Variants in SLC25A34 observed in about 807,000 individuals in gnomAD.
SLC25A34 encodes the protein solute carrier family 25 member 34, also known as solute carrier family 25, member 34.
Under a neutral mutation model 28.1 loss-of-function variants are expected in SLC25A34, and 26 were observed. That is an observed-to-expected ratio of 0.93 (90% CI 0.68 to 1.28). The LOEUF is 1.28. SLC25A34 is among the 50% of genes most tolerant of loss of function. The pLI, the probability that SLC25A34 is intolerant of heterozygous loss-of-function variation, is 0.00. For missense variants in SLC25A34, 384 were observed against 409.8 expected, an observed-to-expected ratio of 0.94 and a Z score of 0.54; for synonymous variants, 182 against 182.2, an observed-to-expected ratio of 1.00 and a Z score of 0.01.
intron 1 of SLC25A34, 30 bp from the exon 2 acceptor site, chr1:15,737,899 C>A (rs1464189097): frequency 6.2e-7 from 1 of 1,613,738 alleles, no homozygotes; most frequent in Non-Finnish European, 8.5e-7. Flanking sequence ...AGGCTCCATC[C>A]CCACACCCGT....
Position 15,739,577 on chromosome 1 carries a change from C to T in SLC25A34, c.*171C>T, listed in dbSNP as rs989744635. On this transcript the variant is annotated 3_prime_UTR_variant, in exon 5 of 5. Transcript: ENST00000294454. ...TCCAGCCCCTTGGCCCACCCAGGTC[C>T]AGAGCATCCACTTCAAGTTACCACC... 2.6e-5 allele frequency: 16 copies of T among 623,176 alleles called. No homozygotes were observed. Among genetic ancestry groups the T allele is most frequent in the Admixed American group, 3.8e-5 (1 of 26,550 alleles). 38.6% of individuals were successfully genotyped at this position (623,176 alleles called of 1,614,324 possible). A position where few individuals can be genotyped will look rare whatever the true frequency, so the allele number is the denominator to read the frequency against.
Position 15,740,144 on chromosome 1 carries a change from A to G in SLC25A34, c.*738A>G, listed in dbSNP as rs1170253883. ...CTGGTTTCTTCTGAGGCCTCTGTCC[A>G]TGGCTTGCAGATGCTGCTTTCTCTC... On this transcript the variant is annotated 3_prime_UTR_variant, in exon 5 of 5. Coordinates refer to ENST00000294454, the MANE Select transcript of SLC25A34 (RefSeq NM_207348.3). 2.6e-5 allele frequency: 4 copies of G among 152,198 alleles called. No homozygotes were observed. The highest frequency in any genetic ancestry group is 9.7e-5 in the African/African-American group (4 of 41,416). The allele number at this position is 152,198 out of a possible 1,614,324, so 9.4% of individuals were successfully genotyped here. A position where few individuals can be genotyped will look rare whatever the true frequency, so the allele number is the denominator to read the frequency against.
intron 4 of SLC25A34, 102 bp from the exon 5 acceptor site, chr1:15,739,122 C>A: frequency 7.0e-7 from 1 of 1,424,474 alleles, no homozygotes; most frequent in Non-Finnish European, 9.6e-7. Context: ...AAGGTGCTGT[C>A]CATAGGGTGT....
In SLC25A34 at chr1:15,736,852, C is replaced by T; in HGVS notation, c.367C>T (p.Pro123Ser). 1 of 1,561,768 alleles carries T rather than the reference C, an allele frequency of 6.4e-7. No individual in the cohort carries two copies. Among genetic ancestry groups the T allele is most frequent in the Non-Finnish European group, 8.6e-7 (1 of 1,157,308 alleles). Residue 123 changes from proline (P) to serine (S), a missense_variant, in exon 1 of 5, where the codon CCT (proline) becomes TCT (serine). By Grantham distance (74) the Pro-to-Ser change is moderately conservative (BLOSUM62 -1). Transcript: ENST00000294454. ...GGCACTGGGAGCCTTCGTGGGGAGCCCTGCTTACCTGGTGAGTGGCTTGTC... is the reference window on the plus strand; with the variant it reads ...GGCACTGGGAGCCTTCGTGGGGAGCTCTGCTTACCTGGTGAGTGGCTTGTC... Reference protein sequence around the residue: ...AGALGAFVGSPAYLIKTQLQA... With the variant: ...AGALGAFVGSSAYLIKTQLQA...
intron 4 of SLC25A34, 109 bp from the exon 5 acceptor site, chr1:15,739,115 G>T: frequency 2.2e-6 from 3 of 1,365,626 alleles, no homozygotes; most frequent in Non-Finnish European, 3.0e-6. Context: ...CAATACAAAG[G>T]TGCTGTCCAT....
intron 1 of SLC25A34, 41 bp downstream of exon 1, chr1:15,736,904 T>C: frequency 6.8e-7 from 1 of 1,471,644 alleles, no homozygotes; most frequent in Non-Finnish European, 9.0e-7. Context: ...CACCATCCCA[T>C]GACCCAGCTC....
At position 15,736,490 on chromosome 1, in the gene SLC25A34, A is replaced by G; in HGVS notation, c.5A>G (p.Glu2Gly). Reference protein sequence around the residue: METVPPAVDLVL... With the variant: MGTVPPAVDLVL... Reference sequence around the variant, plus strand: ...AAGGCCACTGGCCCGGAGGCCATGGAGACGGTGCCCCCAGCAGTGGACCTG... The same window carrying G: ...AAGGCCACTGGCCCGGAGGCCATGGGGACGGTGCCCCCAGCAGTGGACCTG... Residue 2 changes from glutamate to glycine, a missense_variant, in exon 1 of 5, where the codon GAG becomes GGG. Physicochemically the swap from Glu to Gly is moderately conservative, Grantham distance 98. Coordinates refer to ENST00000294454, the MANE Select transcript of SLC25A34 (RefSeq NM_207348.3). 1 of 1,446,166 alleles carries G rather than the reference A, an allele frequency of 6.9e-7. No homozygotes were observed. Among genetic ancestry groups the G allele is most frequent in the Non-Finnish European group, 9.1e-7 (1 of 1,100,874 alleles). The allele number at this position is 1,446,166 out of a possible 1,614,324, so 89.6% of individuals were successfully genotyped here. A position where few individuals can be genotyped will look rare whatever the true frequency, so the allele number is the denominator to read the frequency against.
rs371293754 is a variant in SLC25A34, at chr1:15,738,167, T to A, written c.519T>A (p.Ala173=). Reference sequence around the variant, plus strand: ...GGCTGTGGCAGGGCGTTGGTGGGGCTGTGCCCCGAGTCATGGTGGGCTCAG... The same window carrying A: ...GGCTGTGGCAGGGCGTTGGTGGGGCAGTGCCCCGAGTCATGGTGGGCTCAG... ...LLGLWQGVGG[A]VPRVMVGSAA... is the part of the protein sequence containing the mutation. Residue 173 remains alanine (A), a synonymous_variant, in exon 3 of 5, where the codon GCT becomes GCA. Coordinates refer to ENST00000294454, the MANE Select transcript of SLC25A34 (RefSeq NM_207348.3). The A allele has an allele frequency of 7.5e-6, 12 of 1,607,940 alleles. No homozygotes were observed. The highest frequency in any genetic ancestry group is 1.0e-5 in the Non-Finnish European group (12 of 1,176,838).
chr1:15,736,263 G>A lies in SLC25A34; in HGVS notation c.-223G>A, dbSNP rs985710484. ...GGCGCGTCCCAGGCTCCGGCAGACC[G>A]CTGGAACAGCTGAGCAGAGCAGGTG... On this transcript the variant is annotated 5_prime_UTR_variant, in exon 1 of 5. Transcript: ENST00000294454. 10 of 411,206 alleles carry A rather than the reference G, an allele frequency of 2.4e-5. No individual in the cohort carries two copies. The highest frequency in any genetic ancestry group is 1.5e-4 in the East Asian group (4 of 27,372). The allele number at this position is 411,206 out of a possible 1,614,324, so 25.5% of individuals were successfully genotyped here.
intron 2 of SLC25A34, 32 bp downstream of exon 2, chr1:15,738,026 G>A (rs1232750705): frequency 6.2e-7 from 1 of 1,613,914 alleles, no homozygotes; most frequent in Non-Finnish European, 8.5e-7. Context: ...GCTCCCTGGG[G>A]GCATGGATTG....
In SLC25A34 at chr1:15,736,378, A is replaced by C; in HGVS notation, c.-108A>C. ...CTAGACATGGCCTCGGTCCCCTGCA[A>C]ACCCCAGCCCCGTAGCCCTGCGAGG... On this transcript the variant is annotated 5_prime_UTR_variant, in exon 1 of 5. Coordinates refer to ENST00000294454, the MANE Select transcript of SLC25A34 (RefSeq NM_207348.3). The C allele has an allele frequency of 8.0e-7, 1 of 1,249,476 alleles. No individual in the cohort carries two copies. Among genetic ancestry groups the C allele is most frequent in the South Asian group, 2.5e-5 (1 of 40,460 alleles). The allele number at this position is 1,249,476 out of a possible 1,614,324, so 77.4% of individuals were successfully genotyped here.
rs575686432 is a variant in SLC25A34 at position 15,738,300 on chromosome 1, G to A, written c.597+55G>A. ...CACAGAGACACACCGGACTGAGGGG[G>A]GCCACCTGCCTCCTTCCACACGGGG... On this transcript the variant is annotated intron_variant, in intron 3 of 4. Transcript: ENST00000294454. The A allele has an allele frequency of 1.6e-5, 24 of 1,526,206 alleles. No individual in the cohort carries two copies. The South Asian group carries it at 2.5e-4, about 16-fold the overall frequency. 94.5% of individuals were successfully genotyped at this position (1,526,206 alleles called of 1,614,324 possible). A position where few individuals can be genotyped will look rare whatever the true frequency, so the allele number is the denominator to read the frequency against.
rs377690904 is a variant in SLC25A34 at position 15,738,075 on chromosome 1, C to T, written c.445-18C>T. On this transcript the variant is annotated intron_variant, in intron 2 of 4. Coordinates refer to ENST00000294454, the MANE Select transcript of SLC25A34 (RefSeq NM_207348.3). Reference sequence around the variant, plus strand: ...CCTAGGCAGGGGTGGCCAGTGACCCCGTGCCCTCTCCCCACAGACTGTCCT... The same window carrying T: ...CCTAGGCAGGGGTGGCCAGTGACCCTGTGCCCTCTCCCCACAGACTGTCCT... The T allele has an allele frequency of 2.8e-5, 45 of 1,611,084 alleles. No individual in the cohort carries two copies. The East Asian group carries it at 6.0e-4, about 22-fold the overall frequency.
chr1:15,739,207 C>T lies in SLC25A34; in HGVS notation c.733-17C>T. The T allele has an allele frequency of 1.2e-6, 2 of 1,610,940 alleles. No individual in the cohort carries two copies. The highest frequency in any genetic ancestry group is 1.7e-6 in the Non-Finnish European group (2 of 1,178,884). On this transcript the variant is annotated splice_polypyrimidine_tract_variant and intron_variant, in intron 4 of 4. Transcript: ENST00000294454. The stretch of plus-strand genomic sequence containing the variant: ...TCAAGGCCCCTGTAGTAACACTCAC[C>T]CCATGTCTTTCCCCAGGGCCAGCTC...
At chr1:15,739,120 GTCCATA>G (rs753992728) in intron 4 of SLC25A34, 98 bp from the exon 5 acceptor site, 96 of 1,415,052 alleles carry the variant, frequency 6.8e-5, no homozygotes, top group Non-Finnish European at 9.2e-5. Flanking sequence ...CAAAGGTGCT[GTCCATA>G]GGGTGTGTGG....
chr1:15,740,953 G>A lies in SLC25A34; in HGVS notation c.*1547G>A, dbSNP rs2068274492. ...CCGCCTCGGCCTCCCAAAATGCTGG[G>A]ATTACAGGCGTGAGCCACCGCGCCT... On this transcript the variant is annotated 3_prime_UTR_variant, in exon 5 of 5. Coordinates refer to ENST00000294454, the MANE Select transcript of SLC25A34 (RefSeq NM_207348.3). 6.6e-6 allele frequency: 1 copy of A among 152,348 alleles called. No homozygotes were observed. The highest frequency in any genetic ancestry group is 1.5e-5 in the Non-Finnish European group (1 of 68,148). The allele number at this position is 152,348 out of a possible 1,614,324, so 9.4% of individuals were successfully genotyped here.
At position 15,736,627 on chromosome 1, in the gene SLC25A34, C is replaced by G; in HGVS notation, c.142C>G (p.Arg48Gly). ...GCTGCAGGCCCGGGGCACCTACCCA[C>G]GGCCCTACCATGGCTTCATAGCCTC... is the stretch of plus-strand genomic sequence containing the variant. ...GELQARGTYP[R>G]PYHGFIASVA... Residue 48 changes from arginine (R) to glycine (G), a missense_variant, in exon 1 of 5, where the codon CGG (arginine) becomes GGG (glycine). By Grantham distance (125) the Arg-to-Gly change is moderately radical (BLOSUM62 -2). Coordinates refer to ENST00000294454, the MANE Select transcript of SLC25A34 (RefSeq NM_207348.3). 1 of 1,579,854 alleles carries G rather than the reference C, an allele frequency of 6.3e-7. No homozygotes were observed. Among genetic ancestry groups the G allele is most frequent in the Non-Finnish European group, 8.6e-7 (1 of 1,163,170 alleles).
At chr1:15,738,866 A>G in intron 4 of SLC25A34, 138 bp downstream of exon 4, 1 of 1,184,650 alleles carries the variant, frequency 8.4e-7, no homozygotes, top group African/African-American at 1.6e-5. Flanking sequence ...CAGGTATGCA[A>G]ACACATTAAC....
chr1:15,736,514 T>A lies in SLC25A34; in HGVS notation c.29T>A (p.Leu10Gln). ...GAGACGGTGCCCCCAGCAGTGGACCTGGTGCTGGGTGCTTCTGCCTGCTGC... is the reference window on the plus strand; with the variant it reads ...GAGACGGTGCCCCCAGCAGTGGACCAGGTGCTGGGTGCTTCTGCCTGCTGC... Reference protein sequence around the residue: METVPPAVDLVLGASACCLA... With the variant: METVPPAVDQVLGASACCLA... Residue 10 changes from leucine to glutamine, a missense_variant, in exon 1 of 5, where the codon CTG becomes CAG. Coordinates refer to ENST00000294454, the MANE Select transcript of SLC25A34 (RefSeq NM_207348.3). 1 of 1,453,196 alleles carries A rather than the reference T, an allele frequency of 6.9e-7. No individual in the cohort carries two copies. The allele number at this position is 1,453,196 out of a possible 1,614,324, so 90.0% of individuals were successfully genotyped here. A position where few individuals can be genotyped will look rare whatever the true frequency, so the allele number is the denominator to read the frequency against.
Sources: allele counts gnomAD v4.1 joint callset, GRCh38; gene constraint gnomAD v4.1.1; transcripts MANE v1.5; gene names NCBI Gene and HGNC (gene_info 2026-07-23, HGNC 2026-07-21).